ZFP1: variants seen among roughly 807,000 people sequenced by gnomAD.
ZFP1 encodes zinc finger protein 1 homolog.
In ZFP1, 32 loss-of-function variants were observed where a neutral mutation model predicts 38.5. The observed-to-expected ratio is 0.83, with a 90% CI of 0.63 to 1.12. The LOEUF (loss-of-function observed/expected upper bound fraction) is 1.12. Ranked by LOEUF, ZFP1 falls within the 50% of genes most tolerant of loss-of-function variation. The pLI, the probability that ZFP1 is intolerant of heterozygous loss-of-function variation, is 0.00. For synonymous variants in ZFP1, 245 were observed against 168.8 expected (o/e 1.45, Z -3.50); for missense variants, 616 against 480.8 (o/e 1.28, Z -2.63).
chr16:75,164,295 G>T (rs1052508085), intron 2 of ZFP1, among the ~76,000 whole-genome samples: 1 of 152,064 alleles, frequency 6.6e-6, no homozygotes, highest in Non-Finnish European at 1.5e-5. Context: ...GATTTTATCT[G>T]CTTTTCCTTC....
Position 75,170,608 on chromosome 16 carries a change from T to G in ZFP1, c.*274T>G. 1 of 339,696 alleles carries G rather than the reference T, an allele frequency of 2.9e-6. No individual in the cohort carries two copies. Among genetic ancestry groups the G allele is most frequent in the East Asian group, 4.8e-5 (1 of 21,034 alleles). The allele number at this position is 339,696 out of a possible 1,614,324, so 21.0% of individuals were successfully genotyped here. On this transcript the variant is annotated 3_prime_UTR_variant, in exon 4 of 4. Coordinates refer to ENST00000570010, the MANE Select transcript of ZFP1 (RefSeq NM_153688.4). ...TTTAAAATCTTGAATGAATTGAGTA[T>G]TCTAGACAGCAGCATAAGAAATATA...
chr16:75,149,367 T>A (rs1261944834), intron 1 of ZFP1: 1 of 152,190 alleles, frequency 6.6e-6, no homozygotes, highest in African/African-American at 2.4e-5. Flanking sequence ...CGGGTGGAAT[T>A]TACTGTTCTT....
At chr16:75,131,264 G>T in the ZFP1 span, among the ~76,000 whole-genome samples, 51 of 152,282 alleles carry the variant, frequency 3.3e-4, 1 homozygote, top group Admixed American at 6.5e-4. Flanking sequence ...ATGGGATGGG[G>T]TTGGGCAGTG....
At chr16:75,149,122 G>C (rs142677981) in intron 1 of ZFP1, 7 of 152,330 alleles carry the variant, frequency 4.6e-5, no homozygotes, top group Non-Finnish European at 1.0e-4. Context: ...CCCTTTGTCA[G>C]AGGGTCTTCA....
rs1164596097 is a variant in ZFP1 at position 75,170,293 on chromosome 16, C to T, written c.1183C>T (p.Leu395Phe). The T allele has an allele frequency of 1.6e-5, 25 of 1,607,546 alleles. No individual in the cohort carries two copies. The highest frequency in any genetic ancestry group is 2.1e-5 in the Non-Finnish European group (25 of 1,176,558). Residue 395 changes from leucine to phenylalanine, a missense_variant, in exon 4 of 4, where the codon CTC (leucine) becomes TTC (phenylalanine). Transcript: ENST00000570010. Reference protein sequence around the residue: ...CGKAFSRKSRLSVHQRVHIGE... With the variant: ...CGKAFSRKSRFSVHQRVHIGE... ...GAAGGCCTTTAGCAGGAAGTCCCGA[C>T]TCAGTGTCCATCAGAGAGTTCACAT...
At chr16:75,147,713 C>G (rs1437478906), upstream of ZFP1, among the ~76,000 whole-genome samples, 3 of 152,060 alleles carry the variant, frequency 2.0e-5, no homozygotes, top group African/African-American at 7.2e-5. Flanking sequence ...AATGTATTTT[C>G]TGCTCAAATT....
At chr16:75,138,441 C>A in the ZFP1 span, among the ~76,000 whole-genome samples, 1 of 152,164 alleles carries the variant, frequency 6.6e-6, no homozygotes, top group Non-Finnish European at 1.5e-5. Flanking sequence ...GACACACCTT[C>A]AGCAGGATGA....
chr16:75,168,547 G>GA (rs34594499), intron 3 of ZFP1, among the ~76,000 whole-genome samples: 137,005 of 149,154 alleles, frequency 0.92, 62,954 homozygotes, highest in Non-Finnish European at 0.93. Flanking sequence ...AACTTCAGTA[G>GA]AAAAAAAAAA....
At chr16:75,169,015 C>T (rs1007176118) in intron 3 of ZFP1, among the ~76,000 whole-genome samples, 7 of 152,150 alleles carry the variant, frequency 4.6e-5, no homozygotes, top group African/African-American at 1.7e-4. Context: ...ATTTTGTGAT[C>T]TGGCAATGCT....
At chr16:75,160,051 C>T (rs982386052) in intron 2 of ZFP1, among the ~76,000 whole-genome samples, 3 of 152,130 alleles carry the variant, frequency 2.0e-5, no homozygotes, top group Non-Finnish European at 4.4e-5. Flanking sequence ...ACAGTCGATG[C>T]CACTAGTTGT....
At chr16:75,151,771 T>G (rs905347725) in intron 1 of ZFP1, among the ~76,000 whole-genome samples, 2 of 55,236 alleles carry the variant, frequency 3.6e-5, no homozygotes, top group African/African-American at 7.7e-5. Flanking sequence ...ATTTTAACGA[T>G]TCTCGAGATT....
At chr16:75,143,242 G>A in the ZFP1 span, among the ~76,000 whole-genome samples, 1 of 151,888 alleles carries the variant, frequency 6.6e-6, no homozygotes, top group Admixed American at 6.6e-5. Context: ...TGAATTTTTT[G>A]TTTTGTTTTT....
chr16:75,144,827 T>TTTTTG (rs1555519985), upstream of ZFP1, among the ~76,000 whole-genome samples: 3 of 152,196 alleles, frequency 2.0e-5, no homozygotes, highest in East Asian at 5.8e-4. Context: ...CTTCTTTCTT[T>TTTTTG]TTTTCTTTTC....
At position 75,169,470 on chromosome 16, in the gene ZFP1, T is replaced by C. The variant is rs2038299099; in HGVS notation, c.360T>C (p.Leu120=). 1 of 1,612,904 alleles carries C rather than the reference T, an allele frequency of 6.2e-7. No individual in the cohort carries two copies. Among genetic ancestry groups the C allele is most frequent in the South Asian group, 1.1e-5 (1 of 90,844 alleles). Residue 120 remains leucine (L), a synonymous_variant, in exon 4 of 4, where the codon CTT becomes CTC. Transcript: ENST00000570010. Reference sequence around the variant, plus strand: ...CTTTGAAATATAATTCAGACTTGCTTAATAGTAATAGAAGCTATGCAGGAA... The same window carrying C: ...CTTTGAAATATAATTCAGACTTGCTCAATAGTAATAGAAGCTATGCAGGAA... The part of the protein sequence containing the change: ...EKTLKYNSDL[L]NSNRSYAGKQ...
Position 75,164,859 on chromosome 16 carries a change from G to T in ZFP1, c.16-1911G>T, listed in dbSNP as rs541698859. Among the ~76,000 whole-genome samples the T allele has an allele frequency of 4.6e-5, 7 of 151,692 alleles. No homozygotes were observed. The East Asian group carries it at 1.4e-3, about 29-fold the overall frequency. On this transcript the variant is annotated intron_variant, in intron 2 of 3. Coordinates refer to ENST00000570010, the MANE Select transcript of ZFP1 (RefSeq NM_153688.4). ...TTTCACTCGTTGCACAGGATGGAGT[G>T]CAATGGCACGATCTCGACTTACCGC...
chr16:75,130,339 C>G, the ZFP1 span, among the ~76,000 whole-genome samples: 1 of 152,120 alleles, frequency 6.6e-6, no homozygotes, highest in Non-Finnish European at 1.5e-5. Flanking sequence ...TTCTGGGGGT[C>G]TTGCAGCCCT....
At position 75,169,680 on chromosome 16, in the gene ZFP1, C is replaced by G. The variant is rs1467004809; in HGVS notation, c.570C>G (p.Asp190Glu). 7 of 1,610,078 alleles carry G rather than the reference C, an allele frequency of 4.3e-6. No individual in the cohort carries two copies. Among genetic ancestry groups the G allele is most frequent in the Admixed American group, 1.7e-5 (1 of 58,864 alleles). Reference sequence around the variant, plus strand: ...AACCTTTCATTTGTACTTACTGTGACAAGGCTTTCTCCTTTAAGTCACTCC... The same window carrying G: ...AACCTTTCATTTGTACTTACTGTGAGAAGGCTTTCTCCTTTAAGTCACTCC... ...LVQPFICTYC[D>E]KAFSFKSLLI... is the part of the protein sequence containing the mutation. The change falls in exon 4 of 4, where the codon GAC becomes GAG. Residue 190 changes from aspartate (D) to glutamate (E), a missense_variant. Asp to Glu is a conservative substitution (Grantham distance 45). Coordinates refer to ENST00000570010, the MANE Select transcript of ZFP1 (RefSeq NM_153688.4).
chr16:75,149,043 C>T (rs2037041739), intron 1 of ZFP1: 1 of 151,594 alleles, frequency 6.6e-6, no homozygotes, highest in Non-Finnish European at 1.5e-5. Context: ...CGCCCCGATG[C>T]CCGGTGCCTC....
chr16:75,149,419 G>T (rs547862203), intron 1 of ZFP1, among the ~76,000 whole-genome samples: 35 of 152,272 alleles, frequency 2.3e-4, no homozygotes, highest in African/African-American at 8.2e-4. Flanking sequence ...TTTGAAATAC[G>T]AAAGTTTTCC....
Sources: allele counts gnomAD v4.1 joint callset (sites outside exome capture counted in the v4.1 genomes callset), GRCh38; gene constraint gnomAD v4.1.1; transcripts MANE v1.5; gene names NCBI Gene and HGNC (gene_info 2026-07-23, HGNC 2026-07-21).